Variants in ELFN2 observed in about 807,000 individuals in gnomAD.
ELFN2 encodes protein phosphatase 1 regulatory subunit 29.
Under a neutral mutation model 45.5 loss-of-function variants are expected in ELFN2, and 17 were observed. The observed-to-expected ratio is 0.37, with a 90% confidence interval of 0.26 to 0.56. The LOEUF is 0.56. ELFN2 is among the 20% of genes least tolerant of loss of function. The pLI is 0.77. For synonymous variants in ELFN2, 550 were observed against 551.5 expected, an observed-to-expected ratio of 1.00 and a Z score of 0.04; for missense variants, 922 against 1,183.2, an observed-to-expected ratio of 0.78 and a Z score of 3.24.
At chr22:37,426,511 A>C (rs1037472091) in intron 1 of ELFN2, among the ~76,000 whole-genome samples, 3 of 151,338 alleles carry the variant, frequency 2.0e-5, no homozygotes, top group African/African-American at 7.3e-5. Flanking sequence ...CCACACACAC[A>C]CAGCACGCAC....
At chr22:37,426,304 G>T (rs886227206) in intron 1 of ELFN2, among the ~76,000 whole-genome samples, 3 of 151,528 alleles carry the variant, frequency 2.0e-5, no homozygotes, top group Admixed American at 6.6e-5. Context: ...ATGGCCTGTG[G>T]CCTCTGTTTT....
intron 1 of ELFN2, among the ~76,000 whole-genome samples, chr22:37,345,209 C>A (rs1467985429): frequency 1.3e-5 from 2 of 152,234 alleles, no homozygotes; most frequent in Non-Finnish European, 2.9e-5. Flanking sequence ...TTCTCCTCTT[C>A]AACTGTCATT....
rs1931541573 is a variant in ELFN2, at chr22:37,375,179, G to A, written c.356C>T (p.Thr119Met). 1.2e-6 allele frequency: 2 copies of A among 1,613,950 alleles called. No homozygotes were observed. Among genetic ancestry groups the A allele is most frequent in the Admixed American group, 1.7e-5 (1 of 60,004 alleles). The change falls in exon 3 of 3, where the codon ACG (threonine) becomes ATG (methionine). Residue 119 changes from threonine to methionine, a missense_variant. By Grantham distance (81) the Thr-to-Met change is moderately conservative. Coordinates refer to ENST00000402918, the MANE Select transcript of ELFN2 (RefSeq NM_052906.5). Reference sequence around the variant, plus strand: ...GCTCATGCCTCGCAGCATGCCCTCCGTCAGGTTGCTGAGCTTGTTGTAGCC... The same window carrying A: ...GCTCATGCCTCGCAGCATGCCCTCCATCAGGTTGCTGAGCTTGTTGTAGCC... ...QLGYNKLSNL[T>M]EGMLRGMSRL...
At chr22:37,409,526 G>T (rs1214823985) in intron 2 of ELFN2, among the ~76,000 whole-genome samples, 1 of 152,208 alleles carries the variant, frequency 6.6e-6, no homozygotes, top group African/African-American at 2.4e-5. Context: ...CCTGCCTAAA[G>T]TGCTCAGCCA....
At chr22:37,426,432 C>T (rs969396750) in intron 1 of ELFN2, among the ~76,000 whole-genome samples, 5 of 151,694 alleles carry the variant, frequency 3.3e-5, no homozygotes, top group African/African-American at 1.2e-4. Flanking sequence ...TGACAGTGTG[C>T]GTGTGTGCGC....
intron 1 of ELFN2, among the ~76,000 whole-genome samples, chr22:37,419,749 AC>A (rs1932794701): frequency 6.6e-6 from 1 of 151,304 alleles, no homozygotes; most frequent in Non-Finnish European, 1.5e-5. Context: ...GAGCCAACAC[AC>A]CCCCAGCACA....
intron 2 of ELFN2, among the ~76,000 whole-genome samples, chr22:37,412,923 G>GCTC (rs1202830254): frequency 6.6e-6 from 1 of 152,122 alleles, no homozygotes; most frequent in African/African-American, 2.4e-5. Context: ...CCCTAACCAC[G>GCTC]CTCCCCACTT....
chr22:37,359,101 T>C lies in ELFN2; in HGVS notation n.149-16398A>G, dbSNP rs138803322. ...GTAGGGAATCAGTGAGTCGACACTT[T>C]AGCACCTCCGTGACTGTCTCCAGCT... is the stretch of plus-strand genomic sequence containing the variant. On this transcript the variant is annotated intron_variant and non_coding_transcript_variant, in intron 1 of 2. Transcript: ENST00000452946. Among the ~76,000 whole-genome samples the C allele has an allele frequency of 1.4e-4, 21 of 152,244 alleles. No individual in the cohort carries two copies. In the East Asian group the frequency reaches 2.3e-3, roughly 17 times the overall value.
In ELFN2 at chr22:37,375,010, G is replaced by C; in HGVS notation, c.525C>G (p.Ala175=). Residue 175 remains alanine (A), a synonymous_variant, in exon 3 of 3, where the codon GCC becomes GCG. Coordinates refer to ENST00000402918, the MANE Select transcript of ELFN2 (RefSeq NM_052906.5). ...CGGCCAGCTCACACACCATCAGGCTGGCGAGGCTGGCAAAGGTGGCACCGT... is the reference window on the plus strand; with the variant it reads ...CGGCCAGCTCACACACCATCAGGCTCGCGAGGCTGGCAAAGGTGGCACCGT... The part of the protein sequence containing the change: ...RLDGATFASL[A]SLMVCELAGN... The C allele has an allele frequency of 6.2e-7, 1 of 1,613,486 alleles. No homozygotes were observed. The highest frequency in any genetic ancestry group is 8.5e-7 in the Non-Finnish European group (1 of 1,180,014).
intron 2 of ELFN2, among the ~76,000 whole-genome samples, chr22:37,386,924 T>C (rs1472256903): frequency 6.6e-6 from 1 of 152,018 alleles, no homozygotes; most frequent in Non-Finnish European, 1.5e-5. Flanking sequence ...TCCTCTTCTG[T>C]AAAGTGGGAC....
At chr22:37,394,309 A>C (rs1461292144) in intron 2 of ELFN2, among the ~76,000 whole-genome samples, 1 of 151,878 alleles carries the variant, frequency 6.6e-6, no homozygotes. Flanking sequence ...AGTGTGCCCC[A>C]AGGTCCTCCC....
Position 37,373,859 on chromosome 22 carries a change from G to A in ELFN2, c.1676C>T (p.Ser559Leu), listed in dbSNP as rs200729447. 118 of 1,613,224 alleles carry A rather than the reference G, an allele frequency of 7.3e-5. No homozygotes were observed. The highest frequency in any genetic ancestry group is 9.2e-5 in the Non-Finnish European group (109 of 1,179,962). ...NNCIDALKLD[S>L]ASFLGGGSSS... The stretch of plus-strand genomic sequence containing the variant: ...GCTGCCGCCTCCCAGAAAAGAGGCC[G>A]AGTCCAGCTTGAGAGCATCGATGCA... The change falls in exon 3 of 3, where the codon TCG (serine) becomes TTG (leucine). Residue 559 changes from serine to leucine, a missense_variant. Coordinates refer to ENST00000402918, the MANE Select transcript of ELFN2 (RefSeq NM_052906.5).
rs1042625289 is a variant in ELFN2 at position 37,346,473 on chromosome 22, C to T, written n.149-3770G>A. ...CCCTACACACCCCTCCTGTCTTCCT[C>T]CTCTTATTTCTCCTTGAAACCGCTT... is the stretch of plus-strand genomic sequence containing the variant. On this transcript the variant is annotated intron_variant and non_coding_transcript_variant, in intron 1 of 2. Transcript: ENST00000452946. Among the ~76,000 whole-genome samples, 4 of 152,078 alleles carry T rather than the reference C, an allele frequency of 2.6e-5. No individual in the cohort carries two copies. In the South Asian group the frequency reaches 8.3e-4, roughly 32 times the overall value.
intron 2 of ELFN2, among the ~76,000 whole-genome samples, chr22:37,382,551 T>C (rs1219088702): frequency 1.6e-5 from 1 of 60,816 alleles, no homozygotes; most frequent in Non-Finnish European, 3.1e-5. Flanking sequence ...CTTTTTTTTT[T>C]TTTTTTTTTT....
chr22:37,348,178 C>T (rs902372191), intron 1 of ELFN2, among the ~76,000 whole-genome samples: 1 of 152,222 alleles, frequency 6.6e-6, no homozygotes, highest in African/African-American at 2.4e-5. Context: ...TGGAAGTTCA[C>T]AGACACGTGC....
intron 2 of ELFN2, among the ~76,000 whole-genome samples, chr22:37,399,806 C>T (rs1932318928): frequency 6.6e-6 from 1 of 152,192 alleles, no homozygotes; most frequent in Non-Finnish European, 1.5e-5. Context: ...ACTTCTTCAC[C>T]TCCCACCTCA....
intron 2 of ELFN2, among the ~76,000 whole-genome samples, chr22:37,399,470 G>A (rs1008922741): frequency 6.6e-6 from 1 of 151,902 alleles, no homozygotes. Context: ...ATCAGACCAC[G>A]GAGACCACCG....
intron 1 of ELFN2, among the ~76,000 whole-genome samples, chr22:37,362,530 A>G (rs1931114899): frequency 1.3e-5 from 2 of 152,206 alleles, no homozygotes; most frequent in African/African-American, 4.8e-5. Context: ...TACAGGTGGC[A>G]TCTCTCGACA....
Position 37,372,791 on chromosome 22 carries a change from G to A in ELFN2, c.*281C>T. On this transcript the variant is annotated 3_prime_UTR_variant, in exon 3 of 3. Transcript: ENST00000402918. The surrounding 1 kb of genome is among the most constrained non-coding windows in gnomAD (Gnocchi z 4.4). ...CCCCCCGGCCCTGCACACCCCAGCA[G>A]AGTCCCTGGGCAGCACAGTAAAGAC... 1 of 282,844 alleles carries A rather than the reference G, an allele frequency of 3.5e-6. No individual in the cohort carries two copies. Among genetic ancestry groups the A allele is most frequent in the Admixed American group, 5.1e-5 (1 of 19,498 alleles). The allele number at this position is 282,844 out of a possible 1,614,324, so 17.5% of individuals were successfully genotyped here.
Sources: allele counts gnomAD v4.1 joint callset (sites outside exome capture counted in the v4.1 genomes callset), GRCh38; gene constraint gnomAD v4.1.1; non-coding constraint Gnocchi (gnomAD v3.1); transcripts MANE v1.5; gene names NCBI Gene and HGNC (gene_info 2026-07-23, HGNC 2026-07-21).